The following ZC3H12B variants were observed in gnomAD, a reference collection of about 807,000 sequenced individuals.
ZC3H12B encodes the protein zinc finger CCCH-type containing 12B.
Under a neutral mutation model 43.9 loss-of-function variants are expected in ZC3H12B, and 7 were observed. The ratio of observed to expected loss-of-function variants is 0.16; its 90% CI spans 0.09 to 0.30. The LOEUF is 0.30. Among genes scored for constraint, ZC3H12B ranks in the 10% least tolerant of loss-of-function variants. The pLI, the probability that ZC3H12B is intolerant of heterozygous loss-of-function variation, is 1.00. For missense variants in ZC3H12B, 475 were observed against 670.2 expected (o/e 0.71, Z 3.22); for synonymous variants, 222 against 241.7 (o/e 0.92, Z 0.76).
At chrX:65,421,703 T>C (rs1231954329) in intron 3 of ZC3H12B, among the ~76,000 whole-genome samples, 1 of 112,090 alleles carries the variant, frequency 8.9e-6, no homozygotes, top group East Asian at 2.8e-4. Context: ...GGCTCACGCC[T>C]GTAATCCCAG....
chrX:65,237,083 G>A, the ZC3H12B span, among the ~76,000 whole-genome samples: 1 of 111,992 alleles, frequency 8.9e-6, no homozygotes, highest in African/African-American at 3.2e-5. Flanking sequence ...ATTCTGTGAA[G>A]AATGTCAATG....
chrX:65,385,955 T>C (rs181114677), intron 2 of ZC3H12B, among the ~76,000 whole-genome samples: 1 of 112,367 alleles, frequency 8.9e-6, no homozygotes, highest in East Asian at 2.8e-4. Flanking sequence ...ATTTATTGAT[T>C]TGCGTATGTT....
chrX:65,324,301 T>G, the ZC3H12B span, among the ~76,000 whole-genome samples: 2 of 111,891 alleles, frequency 1.8e-5, no homozygotes, highest in Admixed American at 1.9e-4. Flanking sequence ...CTGCCTAGGT[T>G]TTCTTCTAGG....
intron 2 of ZC3H12B, among the ~76,000 whole-genome samples, chrX:65,396,906 T>C (rs2066705693): frequency 8.9e-6 from 1 of 111,786 alleles, no homozygotes; most frequent in Non-Finnish European, 1.9e-5. Flanking sequence ...TACATATATA[T>C]TTAGGATAGT....
chrX:65,494,323 T>G lies in ZC3H12B; in HGVS notation c.609-2809T>G, dbSNP rs758245032. Among the ~76,000 whole-genome samples the G allele has an allele frequency of 1.4e-3, 153 of 110,769 alleles. 1 individual carries two copies. The highest frequency in any genetic ancestry group is 4.9e-3 in the African/African-American group (150 of 30,476). The stretch of plus-strand genomic sequence containing the variant: ...GTGCAGTGGCATGATCATAGCTCAC[T>G]GTGACCTCAAACTCCTGGGCTCAAG... On this transcript the variant is annotated intron_variant, in intron 1 of 4. Transcript: ENST00000338957.
the ZC3H12B span, among the ~76,000 whole-genome samples, chrX:65,333,337 T>C: frequency 8.9e-6 from 1 of 112,316 alleles, no homozygotes; most frequent in African/African-American, 3.2e-5. Flanking sequence ...ATTCTTATTG[T>C]ACTTATGCAA....
At chrX:65,159,410 T>C in the ZC3H12B span, among the ~76,000 whole-genome samples, 1 of 111,916 alleles carries the variant, frequency 8.9e-6, no homozygotes, top group African/African-American at 3.2e-5. Flanking sequence ...GCATGGAATG[T>C]TCTTCCATTT....
chrX:65,431,707 C>T lies in ZC3H12B; in HGVS notation n.407+33003C>T, dbSNP rs758268953. Among the ~76,000 whole-genome samples the T allele has an allele frequency of 4.5e-5, 5 of 112,271 alleles. No homozygotes were observed. The South Asian group carries it at 1.8e-3, about 41-fold the overall frequency. On this transcript the variant is annotated intron_variant and non_coding_transcript_variant, in intron 3 of 5. Coordinates refer to the ZC3H12B transcript ENST00000617377. ...AGAGATTTATCTATGTAATTATTCC[C>T]CACATTTCTTTGTCACCAATTTCTC...
chrX:65,448,709 C>T (rs749987329), intron 3 of ZC3H12B, among the ~76,000 whole-genome samples: 43 of 109,009 alleles, frequency 3.9e-4, no homozygotes, highest in African/African-American at 1.3e-3. Flanking sequence ...CCCAGCTACT[C>T]GGGAGGCTGA....
the ZC3H12B span, among the ~76,000 whole-genome samples, chrX:65,304,122 G>C: frequency 1.8e-5 from 2 of 112,172 alleles, no homozygotes; most frequent in African/African-American, 6.5e-5. Context: ...GACTTACAAT[G>C]TCATCAAGAC....
chrX:65,390,316 A>ACC (rs2066595152), intron 2 of ZC3H12B, among the ~76,000 whole-genome samples: 1 of 111,023 alleles, frequency 9.0e-6, no homozygotes, highest in South Asian at 3.8e-4. Flanking sequence ...ATGATGAGTT[A>ACC]ATGGGTGTAG....
At chrX:65,164,018 A>G in the ZC3H12B span, among the ~76,000 whole-genome samples, 1 of 112,060 alleles carries the variant, frequency 8.9e-6, no homozygotes, top group Non-Finnish European at 1.9e-5. Context: ...TTATAGCCTG[A>G]TGATTTCTCT....
At chrX:65,163,360 C>T in the ZC3H12B span, among the ~76,000 whole-genome samples, 7 of 111,449 alleles carry the variant, frequency 6.3e-5, no homozygotes, top group Non-Finnish European at 1.1e-4. Flanking sequence ...TTGTCTGTGC[C>T]CTGCCCCCAG....
At chrX:65,117,259 G>C in the ZC3H12B span, among the ~76,000 whole-genome samples, 2 of 111,764 alleles carry the variant, frequency 1.8e-5, no homozygotes, top group South Asian at 7.5e-4. Context: ...ATTCTAACTG[G>C]TGTGAGATGG....
chrX:65,461,090 A>C (rs954358920), intron 3 of ZC3H12B, among the ~76,000 whole-genome samples: 2 of 112,560 alleles, frequency 1.8e-5, no homozygotes, highest in African/African-American at 6.5e-5. Flanking sequence ...ATGCAGCCAA[A>C]AGACACATGA....
intron 2 of ZC3H12B, among the ~76,000 whole-genome samples, chrX:65,396,970 CT>C (rs979002564): frequency 3.6e-5 from 4 of 111,535 alleles, no homozygotes; most frequent in Non-Finnish European, 7.5e-5. Flanking sequence ...CTTTCTTTGT[CT>C]TTTTTTATCT....
the ZC3H12B span, among the ~76,000 whole-genome samples, chrX:65,072,626 C>A: frequency 9.0e-6 from 1 of 111,568 alleles, no homozygotes; most frequent in Admixed American, 9.5e-5. Context: ...AGTCAACTTG[C>A]TTTGTTTCTG....
the ZC3H12B span, among the ~76,000 whole-genome samples, chrX:65,348,744 A>C: frequency 1.8e-5 from 2 of 111,053 alleles, no homozygotes. Flanking sequence ...ACAGACTTTA[A>C]ACCAACAAAG....
At chrX:65,234,946 G>T in the ZC3H12B span, among the ~76,000 whole-genome samples, 1 of 111,862 alleles carries the variant, frequency 8.9e-6, no homozygotes. Context: ...ACAGTGTTTT[G>T]TTTTCTGTTA....
Sources: allele counts gnomAD v4.1 joint callset (sites outside exome capture counted in the v4.1 genomes callset), GRCh38; gene constraint gnomAD v4.1.1; transcripts MANE v1.5; gene names NCBI Gene and HGNC (gene_info 2026-07-23, HGNC 2026-07-21).